Variants in PCDHA7 observed in about 807,000 individuals in gnomAD.
The protein encoded by PCDHA7 is protocadherin alpha 7.
Under a neutral mutation model 57.2 loss-of-function variants are expected in PCDHA7, and 37 were observed. The observed-to-expected ratio is 0.65, with a 90% CI of 0.50 to 0.85. The LOEUF (loss-of-function observed/expected upper bound fraction) is 0.85, where lower values mean the gene tolerates loss of function less well. Among genes scored for constraint, PCDHA7 ranks in the 40% least tolerant of loss-of-function variants. The pLI, the probability that PCDHA7 is intolerant of heterozygous loss-of-function variation, is 0.00. For missense variants in PCDHA7, 1,188 were observed against 1,241.8 expected (o/e 0.96, Z 0.65); for synonymous variants, 553 against 558.8 (o/e 0.99, Z 0.15).
chr5:140,846,559 A>G (rs1780557744), intron 1 of PCDHA7, among the ~76,000 whole-genome samples: 1 of 147,840 alleles, frequency 6.8e-6, no homozygotes, highest in South Asian at 2.1e-4. Context: ...TATTTTTAGT[A>G]GAGTCGGGGT....
rs149795080 is a variant in PCDHA7 at position 140,995,000 on chromosome 5, T to C, written c.2503+12437T>C. Among the ~76,000 whole-genome samples the C allele has an allele frequency of 1.7e-3, 261 of 152,326 alleles. 1 individual carries two copies. The highest frequency in any genetic ancestry group is 6.1e-3 in the African/African-American group (253 of 41,578). ...GAGACCCACTAGAAGGTTAGTTGGTTTGTTTATATTTAGGAAAGAAGATTC... is the reference window on the plus strand; with the variant it reads ...GAGACCCACTAGAAGGTTAGTTGGTCTGTTTATATTTAGGAAAGAAGATTC... On this transcript the variant is annotated intron_variant, in intron 3 of 3. Transcript: ENST00000525929.
intron 1 of PCDHA7, among the ~76,000 whole-genome samples, chr5:140,969,822 G>C (rs559271640): frequency 2.0e-5 from 3 of 152,202 alleles, no homozygotes; most frequent in Non-Finnish European, 4.4e-5. Context: ...ACTCTGGACT[G>C]TCTACAGTGG....
At chr5:141,006,704 A>G (rs2098283751) in intron 3 of PCDHA7, among the ~76,000 whole-genome samples, 1 of 152,128 alleles carries the variant, frequency 6.6e-6, no homozygotes, top group Non-Finnish European at 1.5e-5. Context: ...GAGTCAAGAT[A>G]TATTTAGGAG....
chr5:140,976,623 A>T (rs2096725019), intron 1 of PCDHA7, among the ~76,000 whole-genome samples: 1 of 152,206 alleles, frequency 6.6e-6, no homozygotes, highest in Non-Finnish European at 1.5e-5. Context: ...CTGTCAGCTG[A>T]ACTCAGCAAT....
intron 1 of PCDHA7, chr5:140,842,749 G>T (rs2150343608): frequency 5.6e-6 from 9 of 1,594,902 alleles, no homozygotes; most frequent in African/African-American, 5.4e-5. Flanking sequence ...ACATCTTCAC[G>T]GTGTCTGCGC....
chr5:140,944,464 G>T (rs2093661298), intron 1 of PCDHA7, among the ~76,000 whole-genome samples: 1 of 152,158 alleles, frequency 6.6e-6, no homozygotes, highest in African/African-American at 2.4e-5. Context: ...TGGGATTACA[G>T]GTATGAGGCA....
intron 1 of PCDHA7, chr5:140,850,311 T>C (rs2150479083): frequency 1.3e-6 from 2 of 1,597,000 alleles, no homozygotes; most frequent in African/African-American, 1.3e-5. Context: ...CTACAACGCG[T>C]GGCTTTCATA....
chr5:140,919,239 C>G (rs2079049864), intron 1 of PCDHA7, among the ~76,000 whole-genome samples: 1 of 152,188 alleles, frequency 6.6e-6, no homozygotes, highest in Non-Finnish European at 1.5e-5. Context: ...CACTTTTTGT[C>G]TTGTCTGTTT....
intron 1 of PCDHA7, chr5:140,853,216 G>T: frequency 1.0e-6 from 1 of 983,832 alleles, no homozygotes; most frequent in Non-Finnish European, 1.2e-6. Context: ...TGTATTGATG[G>T]GATTGGTAAT....
At chr5:140,928,434 CTT>C (rs1554205890) in intron 1 of PCDHA7, 1 of 1,614,172 alleles carries the variant, frequency 6.2e-7, no homozygotes, top group South Asian at 1.1e-5. Flanking sequence ...CTTCCTTTGA[CTT>C]TGAGCAGCTC....
chr5:140,877,101 G>A lies in PCDHA7; in HGVS notation c.2355+40363G>A, dbSNP rs375706181. ...TGAGCGCGCGCGACGCCGGCGTGCCGCCTCTGGGCAGCAACGTGACGCTGC... is the reference window on the plus strand; with the variant it reads ...TGAGCGCGCGCGACGCCGGCGTGCCACCTCTGGGCAGCAACGTGACGCTGC... On this transcript the variant is annotated intron_variant, in intron 1 of 3. Transcript: ENST00000525929. 3.3e-5 allele frequency: 53 copies of A among 1,613,354 alleles called. 1 individual carries two copies. The highest frequency in any genetic ancestry group is 4.1e-5 in the Non-Finnish European group (48 of 1,179,850).
intron 2 of PCDHA7, among the ~76,000 whole-genome samples, chr5:140,980,258 G>A (rs2096882497): frequency 6.6e-6 from 1 of 152,164 alleles, no homozygotes; most frequent in Non-Finnish European, 1.5e-5. Context: ...GTAAAAGCAT[G>A]GTTTACAGTA....
At chr5:140,923,630 G>T (rs1278599561) in intron 1 of PCDHA7, among the ~76,000 whole-genome samples, 1 of 152,106 alleles carries the variant, frequency 6.6e-6, no homozygotes, top group Admixed American at 6.5e-5. Flanking sequence ...TATCCAAAAG[G>T]CAAAAATCTT....
At chr5:140,922,547 G>A (rs1269163353) in intron 1 of PCDHA7, among the ~76,000 whole-genome samples, 2 of 152,192 alleles carry the variant, frequency 1.3e-5, no homozygotes, top group Non-Finnish European at 2.9e-5. Context: ...GGCAAGGTAA[G>A]GAGAAAAGTC....
At chr5:140,857,806 G>A (rs1554150689) in intron 1 of PCDHA7, 2 of 1,597,702 alleles carry the variant, frequency 1.3e-6, no homozygotes, top group African/African-American at 1.3e-5. Flanking sequence ...CGGTGGTTGC[G>A]GGTCACGTGG....
chr5:140,847,832 C>T (rs1426202743), intron 1 of PCDHA7: 2 of 149,636 alleles, frequency 1.3e-5, no homozygotes, highest in Non-Finnish European at 3.0e-5. Context: ...AGAAAACTAC[C>T]TCAGTTGGTT....
intron 1 of PCDHA7, among the ~76,000 whole-genome samples, chr5:140,954,881 C>T (rs2095105725): frequency 6.6e-6 from 1 of 152,092 alleles, no homozygotes; most frequent in Non-Finnish European, 1.5e-5. Flanking sequence ...CCTAGCTTTT[C>T]TTCTAGGGTT....
intron 1 of PCDHA7, among the ~76,000 whole-genome samples, chr5:140,894,198 T>A (rs1431922646): frequency 3.9e-5 from 6 of 152,168 alleles, no homozygotes; most frequent in African/African-American, 1.4e-4. Flanking sequence ...ATTTTTTCTA[T>A]GCTATTATAT....
Position 140,979,012 on chromosome 5 carries a change from G to A in PCDHA7, c.2414+5G>A, listed in dbSNP as rs2096831231. The A allele has an allele frequency of 1.9e-6, 3 of 1,613,794 alleles. No individual in the cohort carries two copies. Among genetic ancestry groups the A allele is most frequent in the African/African-American group, 2.7e-5 (2 of 74,926 alleles). ...CCTGAGAGCAGGCATGCACAGGTAT[G>A]TATTTCCCTCCTCATTCACTCAGAA... On this transcript the variant is annotated splice_donor_5th_base_variant and intron_variant, in intron 2 of 3. Coordinates refer to ENST00000525929, the MANE Select transcript of PCDHA7 (RefSeq NM_018910.3).
Sources: allele counts gnomAD v4.1 joint callset (sites outside exome capture counted in the v4.1 genomes callset), GRCh38; gene constraint gnomAD v4.1.1; transcripts MANE v1.5; gene names NCBI Gene and HGNC (gene_info 2026-07-23, HGNC 2026-07-21).